ACP6: variants seen among roughly 807,000 people sequenced by gnomAD.
The protein encoded by ACP6 is acid phosphatase 6, lysophosphatidic.
A neutral mutation model predicts 48.1 loss-of-function variants in ACP6; 48 were observed. The ratio of observed to expected loss-of-function variants is 1.00; its 90% CI spans 0.79 to 1.27. The LOEUF is 1.27. Ranked by LOEUF, ACP6 falls within the 50% of genes most tolerant of loss-of-function variation. The probability of loss-of-function intolerance (pLI) is 0.00; values close to 1 mark genes in which losing one functional copy is unlikely to be tolerated. For synonymous variants in ACP6, 172 were observed against 204.2 expected, an observed-to-expected ratio of 0.84 and a Z score of 1.34; for missense variants, 485 against 529.1, an observed-to-expected ratio of 0.92 and a Z score of 0.82.
intron 7 of ACP6, 97 bp downstream of exon 7, chr1:147,652,352 A>G: frequency 8.1e-7 from 1 of 1,229,896 alleles, no homozygotes; most frequent in South Asian, 1.5e-5. Context: ...AGGAGACATC[A>G]GCTGTCAGGT....
chr1:147,659,522 C>G lies in ACP6; in HGVS notation c.353G>C (p.Gly118Ala). The stretch of plus-strand genomic sequence containing the variant: ...CTTGGTCAGCTGCCCAGCAAACATG[C>G]CCCCCTAAAGTAGGGAAGAAAGAGA... Reference protein sequence around the residue: ...SQYHETTLKGGMFAGQLTKVG... With the variant: ...SQYHETTLKGAMFAGQLTKVG... The change falls in exon 3 of 10, where the codon GGC becomes GCC. Residue 118 changes from glycine (G) to alanine (A), a missense_variant. Coordinates refer to ENST00000583509, the MANE Select transcript of ACP6 (RefSeq NM_016361.5). 1 of 1,613,762 alleles carries G rather than the reference C, an allele frequency of 6.2e-7. No homozygotes were observed. The highest frequency in any genetic ancestry group is 8.5e-7 in the Non-Finnish European group (1 of 1,179,968).
At chr1:147,650,701 T>C (rs1553210392) in intron 7 of ACP6, 2 of 153,284 alleles carry the variant, frequency 1.3e-5, no homozygotes, top group Admixed American at 1.3e-4. Context: ...GTTTGGGCCA[T>C]AAAGACATTT....
chr1:147,652,311 T>C, intron 7 of ACP6, 138 bp downstream of exon 7: 1 of 802,334 alleles, frequency 1.2e-6, no homozygotes, highest in Non-Finnish European at 1.9e-6. Flanking sequence ...TACTGGTAGG[T>C]GGGCAGAATG....
In ACP6 at chr1:147,648,341, G is replaced by C; in HGVS notation, c.1048C>G (p.His350Asp). 1 of 1,614,084 alleles carries C rather than the reference G, an allele frequency of 6.2e-7. No homozygotes were observed. The highest frequency in any genetic ancestry group is 8.5e-7 in the Non-Finnish European group (1 of 1,180,010). Reference protein sequence around the residue: ...PLLMTLGIFDHKWPPFAVDLT... With the variant: ...PLLMTLGIFDDKWPPFAVDLT... Reference sequence around the variant, plus strand: ...TCAACAGCAAACGGTGGCCATTTGTGGTCAAAAATCCCCAGGGTCATTAAG... The same window carrying C: ...TCAACAGCAAACGGTGGCCATTTGTCGTCAAAAATCCCCAGGGTCATTAAG... The change falls in exon 9 of 10, where the codon CAC becomes GAC. Residue 350 changes from histidine to aspartate, a missense_variant. Physicochemically the swap from His to Asp is moderately conservative, Grantham distance 81. Transcript: ENST00000583509.
chr1:147,655,151 G>A lies in ACP6; in HGVS notation c.647+10C>T. 2 of 1,593,458 alleles carry A rather than the reference G, an allele frequency of 1.3e-6. No individual in the cohort carries two copies. The highest frequency in any genetic ancestry group is 1.1e-5 in the South Asian group (1 of 87,780). On this transcript the variant is annotated intron_variant, in intron 5 of 9. Coordinates refer to ENST00000583509, the MANE Select transcript of ACP6 (RefSeq NM_016361.5). ...CCCCAACTGGTGAGCAAGAACCCAG[G>A]GGCAGTTACCTGGTTCTCTGCCTCA...
intron 1 of ACP6, among the ~76,000 whole-genome samples, chr1:147,668,870 G>C (rs1660936214): frequency 2.0e-5 from 3 of 152,270 alleles, no homozygotes; most frequent in South Asian, 2.1e-4. Context: ...ACAATGTAAA[G>C]ACACAATCCT....
intron 4 of ACP6, among the ~76,000 whole-genome samples, chr1:147,657,250 C>T (rs1259155742): frequency 6.6e-6 from 1 of 152,158 alleles, no homozygotes; most frequent in Non-Finnish European, 1.5e-5. Context: ...GACAAATGTA[C>T]ATTGAGCAAA....
At chr1:147,657,905 C>T (rs1287478038) in intron 4 of ACP6, among the ~76,000 whole-genome samples, 1 of 152,216 alleles carries the variant, frequency 6.6e-6, no homozygotes, top group African/African-American at 2.4e-5. Context: ...CTGGGACCTG[C>T]CTAAAGAGAA....
At chr1:147,655,945 G>T (rs1189005759) in intron 4 of ACP6, among the ~76,000 whole-genome samples, 2 of 152,112 alleles carry the variant, frequency 1.3e-5, no homozygotes, top group East Asian at 3.9e-4. Context: ...GAGATGGCAA[G>T]TGCCATCTCT....
rs909584003 is a variant in ACP6, at chr1:147,644,504, T to C, written c.*2919A>G. ...TTTAAAAGCAACACTGTGTTGAGAATAGATGGGCAGAGAAGGGAAGGGCAG... is the reference window on the plus strand; with the variant it reads ...TTTAAAAGCAACACTGTGTTGAGAACAGATGGGCAGAGAAGGGAAGGGCAG... On this transcript the variant is annotated 3_prime_UTR_variant, in exon 10 of 10. Transcript: ENST00000583509. 2 of 152,062 alleles carry C rather than the reference T, an allele frequency of 1.3e-5. No homozygotes were observed. The highest frequency in any genetic ancestry group is 3.9e-4 in the East Asian group (2 of 5,180). 9.4% of individuals were successfully genotyped at this position (152,062 alleles called of 1,614,324 possible). A position where few individuals can be genotyped will look rare whatever the true frequency, so the allele number is the denominator to read the frequency against.
chr1:147,639,396 G>C (rs142317539), downstream of ACP6, among the ~76,000 whole-genome samples: 1 of 152,130 alleles, frequency 6.6e-6, no homozygotes, highest in Non-Finnish European at 1.5e-5. Context: ...CAAGGCCCAG[G>C]TAAGCTGTGC....
At chr1:147,640,291 G>T (rs1378557226), downstream of ACP6, among the ~76,000 whole-genome samples, 3 of 152,092 alleles carry the variant, frequency 2.0e-5, no homozygotes, top group African/African-American at 7.2e-5. Flanking sequence ...CTCCAAGGTA[G>T]GTGCTTCTTT....
chr1:147,648,818 G>C (rs911935608), intron 8 of ACP6, among the ~76,000 whole-genome samples: 1 of 152,168 alleles, frequency 6.6e-6, no homozygotes, highest in Non-Finnish European at 1.5e-5. Context: ...TGAAGTTTTG[G>C]GGTATTAAGT....
At chr1:147,654,036 G>T (rs1553211108) in intron 6 of ACP6, among the ~76,000 whole-genome samples, 158 bp downstream of exon 6, 1 of 152,084 alleles carries the variant, frequency 6.6e-6, no homozygotes, top group Non-Finnish European at 1.5e-5. Context: ...TTCCTCGATT[G>T]CTCCCTATCC....
At chr1:147,633,974 A>C (rs1409194527) in intron 5 of ACP6, among the ~76,000 whole-genome samples, 1 of 152,170 alleles carries the variant, frequency 6.6e-6, no homozygotes, top group Non-Finnish European at 1.5e-5. Flanking sequence ...ATCCATCTCC[A>C]CAACTTTTTC....
At chr1:147,660,914 AAC>A (rs1660516310) in intron 1 of ACP6, among the ~76,000 whole-genome samples, 1 of 152,202 alleles carries the variant, frequency 6.6e-6, no homozygotes, top group Non-Finnish European at 1.5e-5. Context: ...ATGTAAAGTT[AAC>A]CTTTTAGTAA....
chr1:147,632,194 AACACACACACACACAC>A (rs71584653), intron 5 of ACP6, among the ~76,000 whole-genome samples: 2 of 145,930 alleles, frequency 1.4e-5, no homozygotes, highest in Non-Finnish European at 3.0e-5. Flanking sequence ...ACCTATGCCC[AACACACACACACACAC>A]ACACACACAC....
chr1:147,666,642 G>T (rs1020559452), intron 1 of ACP6, among the ~76,000 whole-genome samples: 1 of 152,142 alleles, frequency 6.6e-6, no homozygotes, highest in Admixed American at 6.5e-5. Flanking sequence ...CTTCAGTCCA[G>T]ATAATTCTCA....
intron 1 of ACP6, among the ~76,000 whole-genome samples, chr1:147,669,566 G>A (rs1030785263): frequency 1.3e-5 from 2 of 152,226 alleles, no homozygotes; most frequent in African/African-American, 2.4e-5. Context: ...AGGATCCCCA[G>A]GCGACTCCCA....
Sources: allele counts gnomAD v4.1 joint callset (sites outside exome capture counted in the v4.1 genomes callset), GRCh38; gene constraint gnomAD v4.1.1; transcripts MANE v1.5; gene names NCBI Gene and HGNC (gene_info 2026-07-23, HGNC 2026-07-21).